Variants in POMGNT1 observed in about 807,000 individuals in gnomAD.
The protein encoded by POMGNT1 is protein O-linked mannose N-acetylglucosaminyltransferase 1 (beta 1,2-), also known as protein O-linked-mannose beta-1,2-N-acetylglucosaminyltransferase 1.
POMGNT1 carries 67 observed loss-of-function variants against 95.6 expected under a neutral mutation model. The observed-to-expected ratio is 0.70, with a 90% CI of 0.58 to 0.86. The LOEUF (loss-of-function observed/expected upper bound fraction) is 0.86. Among genes scored for constraint, POMGNT1 ranks in the 40% least tolerant of loss-of-function variants. POMGNT1 has a pLI of 0.00. For synonymous variants in POMGNT1, 298 were observed against 317.9 expected (o/e 0.94, Z 0.66); for missense variants, 719 against 855.2 (o/e 0.84, Z 1.99).
intron 17 of POMGNT1, chr1:46,191,665 C>T (rs1161108354): frequency 1.1e-5 from 3 of 266,380 alleles, no homozygotes; most frequent in South Asian, 4.4e-5. Context: ...GATGGAGTCT[C>T]GCTCTGTCAC....
chr1:46,189,991 T>C lies in POMGNT1; in HGVS notation c.1650-2A>G. ...CTGTGGTCCAGAACCTCAGCCTCAC[T>C]GCAGTAGAGGGTGGGAGAATATAGC... On this transcript the variant is annotated splice_acceptor_variant, in intron 19 of 21. Coordinates refer to ENST00000371984, the MANE Select transcript of POMGNT1 (RefSeq NM_017739.4). LOFTEE classifies it high-confidence loss of function. 6.2e-7 allele frequency: 1 copy of C among 1,613,788 alleles called. No individual in the cohort carries two copies. Among genetic ancestry groups the C allele is most frequent in the Non-Finnish European group, 8.5e-7 (1 of 1,179,946 alleles).
chr1:46,213,218 C>CA (rs1372818969), intron 1 of POMGNT1, among the ~76,000 whole-genome samples: 1 of 151,368 alleles, frequency 6.6e-6, no homozygotes, highest in Non-Finnish European at 1.5e-5. Flanking sequence ...CGATGAACAG[C>CA]ATATACCATA....
chr1:46,195,096 C>G (rs2148207046), intron 6 of POMGNT1, 135 bp from the exon 7 acceptor site: 1 of 796,942 alleles, frequency 1.3e-6, no homozygotes, highest in East Asian at 2.6e-5. Context: ...TATGGTTACT[C>G]TCTTTCACAG....
exon 1 of POMGNT1, chr1:46,219,780 T>C (rs1018781451): frequency 1.5e-5 from 25 of 1,613,976 alleles, no homozygotes; most frequent in Non-Finnish European, 2.1e-5. Flanking sequence ...GCGCTGGCTG[T>C]TGGAGGAGCG....
At chr1:46,215,181 G>A (rs1050592306) in intron 1 of POMGNT1, among the ~76,000 whole-genome samples, 6 of 144,948 alleles carry the variant, frequency 4.1e-5, no homozygotes, top group East Asian at 2.0e-4. Flanking sequence ...AGCCAAGATC[G>A]CACCATTGCA....
chr1:46,209,386 G>A (rs1034078932), intron 1 of POMGNT1, among the ~76,000 whole-genome samples: 4 of 152,076 alleles, frequency 2.6e-5, no homozygotes, highest in Admixed American at 1.3e-4. Flanking sequence ...AGGTATTTCT[G>A]GAACTGGGGG....
Position 46,196,857 on chromosome 1 carries a change from G to A in POMGNT1, c.236-8C>T. ...GGCGGCCTAGGGCCTCATCTGTGGG[G>A]TACAACAGGTCATGGAGATAGTCTC... On this transcript the variant is annotated splice_polypyrimidine_tract_variant and splice_region_variant and intron_variant, in intron 3 of 21. Coordinates refer to ENST00000371984, the MANE Select transcript of POMGNT1 (RefSeq NM_017739.4). The surrounding 1 kb of genome is among the most constrained non-coding windows in gnomAD (Gnocchi z 4.4). 2 of 1,613,992 alleles carry A rather than the reference G, an allele frequency of 1.2e-6. No homozygotes were observed. The highest frequency in any genetic ancestry group is 1.7e-6 in the Non-Finnish European group (2 of 1,180,032).
upstream of POMGNT1, among the ~76,000 whole-genome samples, chr1:46,201,865 G>A (rs1201158015): frequency 2.0e-5 from 3 of 151,692 alleles, no homozygotes; most frequent in East Asian, 5.9e-4. Context: ...GGCTGGGCAT[G>A]GTGGCATACT....
Position 46,190,528 on chromosome 1 carries a change from G to A in POMGNT1, c.1605-11C>T, listed in dbSNP as rs1333151820. 24 of 1,599,888 alleles carry A rather than the reference G, an allele frequency of 1.5e-5. No individual in the cohort carries two copies. Among genetic ancestry groups the A allele is most frequent in the Non-Finnish European group, 2.0e-5 (23 of 1,167,130 alleles). On this transcript the variant is annotated splice_polypyrimidine_tract_variant and intron_variant, in intron 18 of 21. Coordinates refer to ENST00000371984, the MANE Select transcript of POMGNT1 (RefSeq NM_017739.4). Reference sequence around the variant, plus strand: ...GCTTCTTTCTTCAGACTGAAGAGGAGGGAGAAATGGGTCAGGGGAGTGGGC... The same window carrying A: ...GCTTCTTTCTTCAGACTGAAGAGGAAGGAGAAATGGGTCAGGGGAGTGGGC...
Position 46,197,753 on chromosome 1 carries a change from A to C in POMGNT1, c.69T>G (p.Leu23=). The change falls in exon 2 of 22, where the codon CTT becomes CTG. Residue 23 remains leucine, a synonymous_variant. Coordinates refer to ENST00000371984, the MANE Select transcript of POMGNT1 (RefSeq NM_017739.4). ...FGARKKRSWY[L]TWKYKLTNQR... Reference sequence around the variant, plus strand: ...GGTTTGTCAGTTTATACTTCCAGGTAAGGTACCAGCTCCGCTTCTTCCGAG... The same window carrying C: ...GGTTTGTCAGTTTATACTTCCAGGTCAGGTACCAGCTCCGCTTCTTCCGAG... 1 of 1,614,094 alleles carries C rather than the reference A, an allele frequency of 6.2e-7. No individual in the cohort carries two copies. Among genetic ancestry groups the C allele is most frequent in the Non-Finnish European group, 8.5e-7 (1 of 1,179,986 alleles).
intron 1 of POMGNT1, among the ~76,000 whole-genome samples, chr1:46,209,536 TC>T (rs1445710525): frequency 1.5e-5 from 2 of 129,858 alleles, no homozygotes; most frequent in Non-Finnish European, 3.4e-5. Context: ...GTTGTTGTTT[TC>T]TTTTTTTTTT....
exon 1 of POMGNT1, chr1:46,219,810 T>C (rs943970017): frequency 9.9e-6 from 16 of 1,614,072 alleles, no homozygotes; most frequent in South Asian, 3.3e-5. Context: ...GACCAGTCAT[T>C]GCAGCAGCCT....
chr1:46,189,300 C>T lies in POMGNT1; in HGVS notation c.1953G>A (p.Glu651=), dbSNP rs1210887374. Residue 651 remains glutamate (E), a synonymous_variant, in exon 22 of 22, where the codon GAG becomes GAA. Coordinates refer to ENST00000371984, the MANE Select transcript of POMGNT1 (RefSeq NM_017739.4). ...TCTGTTCTGGGGCTCCTGGGGCTCC[C>T]TCCTCCTTTGGGGGTGGCTCCAGGA... ...PIFLEPPPKE[E]GAPGAPEQT 9.3e-6 allele frequency: 15 copies of T among 1,613,696 alleles called. No homozygotes were observed. Among genetic ancestry groups the T allele is most frequent in the Non-Finnish European group, 1.3e-5 (15 of 1,179,982 alleles).
At chr1:46,200,524 T>C (rs1156758353), upstream of POMGNT1, among the ~76,000 whole-genome samples, 2 of 152,256 alleles carry the variant, frequency 1.3e-5, no homozygotes. Flanking sequence ...TCCAGGTATG[T>C]CTTGCTCACC....
intron 19 of POMGNT1, 63 bp from the exon 20 acceptor site, chr1:46,190,052 G>A (rs1163443348): frequency 6.3e-7 from 1 of 1,587,844 alleles, no homozygotes; most frequent in Middle Eastern, 1.8e-4. Context: ...TGTCCCACAG[G>A]ACCCTGTACT....
In POMGNT1 at chr1:46,197,079, C is replaced by G; in HGVS notation, c.126G>C (p.Gly42=). ...QRALRRFCQT[G]AVLFLLVTVI... The stretch of plus-strand genomic sequence containing the variant: ...CAGTCACCAGCAGGAAAAGCACGGC[C>G]CCTGTCTGAGGGGAGGGGTAGGGAT... Residue 42 remains glycine (G), a synonymous_variant, in exon 3 of 22, where the codon GGG becomes GGC. Transcript: ENST00000371984. 6.2e-7 allele frequency: 1 copy of G among 1,614,154 alleles called. No homozygotes were observed. Among genetic ancestry groups the G allele is most frequent in the Non-Finnish European group, 8.5e-7 (1 of 1,180,002 alleles).
chr1:46,194,013 G>A, intron 9 of POMGNT1, 88 bp from the exon 10 acceptor site: 6 of 1,582,362 alleles, frequency 3.8e-6, no homozygotes, highest in Non-Finnish European at 2.6e-6. Flanking sequence ...GTGAGGGTAG[G>A]TGCAGACTGG....
At position 46,194,934 on chromosome 1, in the gene POMGNT1, T is replaced by C. The variant is rs868433749; in HGVS notation, c.562A>G (p.Thr188Ala). ...AGGCTCCTCAGCAGAGCCTTGGCTG[T>C]GTCCTTGAGGTGGAAGGAGCCCTCA... Reference protein sequence around the residue: ...KDEGSFHLKDTAKALLRSLGS... With the variant: ...KDEGSFHLKDAAKALLRSLGS... Residue 188 changes from threonine to alanine, a missense_variant, in exon 7 of 22, where the codon ACA (threonine) becomes GCA (alanine). Around this residue, in one of 5 missense-constraint regions of POMGNT1, gnomAD observed 466 missense variants for 517.4 expected, o/e 0.90. Transcript: ENST00000371984. 4 of 1,614,022 alleles carry C rather than the reference T, an allele frequency of 2.5e-6. No homozygotes were observed. The African/African-American group carries it at 5.3e-5, about 22-fold the overall frequency.
chr1:46,197,943 G>C, intron 1 of POMGNT1, 72 bp from the exon 2 acceptor site: 1 of 1,460,698 alleles, frequency 6.8e-7, no homozygotes, highest in Non-Finnish European at 9.3e-7. Flanking sequence ...GGAGATGAGG[G>C]AGGACCTCCC....
Sources: allele counts gnomAD v4.1 joint callset (sites outside exome capture counted in the v4.1 genomes callset), GRCh38; gene constraint gnomAD v4.1.1; regional missense constraint gnomAD v4.1.1; non-coding constraint Gnocchi (gnomAD v3.1); transcripts MANE v1.5; gene names NCBI Gene and HGNC (gene_info 2026-07-23, HGNC 2026-07-21).